NBEA: variants seen among roughly 807,000 people sequenced by gnomAD.
NBEA encodes the protein lysosomal-trafficking regulator 2.
NBEA carries 44 observed loss-of-function variants against 343.4 expected under a neutral mutation model. The observed-to-expected ratio is 0.13, with a 90% CI of 0.10 to 0.16. The LOEUF (loss-of-function observed/expected upper bound fraction) is 0.16. Among genes scored for constraint, NBEA ranks in the 10% least tolerant of loss-of-function variants. NBEA has a pLI of 1.00. For synonymous variants in NBEA, 1,175 were observed against 1,238.7 expected (o/e 0.95, Z 1.08); for missense variants, 2,555 against 3,631.3 (o/e 0.70, Z 7.62).
At chr13:35,384,292 C>G (rs938286655) in intron 38 of NBEA, among the ~76,000 whole-genome samples, 12 of 152,116 alleles carry the variant, frequency 7.9e-5, no homozygotes, top group Admixed American at 7.9e-4. Context: ...TGGATTCTCT[C>G]TACCTTTAGT....
At chr13:35,565,230 T>G (rs564697543) in intron 44 of NBEA, among the ~76,000 whole-genome samples, 3 of 152,320 alleles carry the variant, frequency 2.0e-5, no homozygotes, top group Non-Finnish European at 4.4e-5. Flanking sequence ...GTTTATACAT[T>G]TAAAGCAATA....
At chr13:35,002,221 G>A (rs1199023832) in intron 1 of NBEA, among the ~76,000 whole-genome samples, 1 of 152,140 alleles carries the variant, frequency 6.6e-6, no homozygotes, top group Non-Finnish European at 1.5e-5. Flanking sequence ...GTGGGTACAA[G>A]GAGACTGTGG....
chr13:35,254,802 T>C (rs2032399299), intron 34 of NBEA, among the ~76,000 whole-genome samples: 2 of 152,262 alleles, frequency 1.3e-5, no homozygotes, highest in South Asian at 4.1e-4. Flanking sequence ...ACAGCAAATA[T>C]ACCTCATTGT....
intron 1 of NBEA, among the ~76,000 whole-genome samples, chr13:34,978,230 T>C (rs1300525358): frequency 6.6e-6 from 1 of 152,220 alleles, no homozygotes; most frequent in Non-Finnish European, 1.5e-5. Context: ...GCTATAATTA[T>C]TAATGGCAAG....
At chr13:35,461,096 C>G (rs1334939930) in intron 40 of NBEA, among the ~76,000 whole-genome samples, 2 of 152,176 alleles carry the variant, frequency 1.3e-5, no homozygotes, top group Non-Finnish European at 2.9e-5. Context: ...CCTAATGACC[C>G]AGTCACCTCT....
chr13:35,666,948 G>C (rs2085383995), intron 56 of NBEA, among the ~76,000 whole-genome samples: 1 of 152,202 alleles, frequency 6.6e-6, no homozygotes. Context: ...GCAGTGTATT[G>C]ATGTGGTACA....
At chr13:35,015,148 A>AAAAAAAAAAAC (rs2061611929) in intron 1 of NBEA, among the ~76,000 whole-genome samples, 1 of 149,248 alleles carries the variant, frequency 6.7e-6, no homozygotes, top group African/African-American at 2.5e-5. Flanking sequence ...AACAAACAAA[A>AAAAAAAAAAAC]AAAAAAAACC....
intron 38 of NBEA, among the ~76,000 whole-genome samples, chr13:35,359,322 G>T (rs902705274): frequency 2.0e-5 from 3 of 151,978 alleles, no homozygotes; most frequent in Non-Finnish European, 4.4e-5. Flanking sequence ...GTTGTTATCT[G>T]TATTGAAATT....
At chr13:35,641,528 T>C (rs2083947952) in intron 49 of NBEA, among the ~76,000 whole-genome samples, 2 of 151,986 alleles carry the variant, frequency 1.3e-5, no homozygotes, top group Non-Finnish European at 2.9e-5. Flanking sequence ...TACAACAAGG[T>C]TGAATCTTGC....
At chr13:35,581,959 A>G (rs955018213) in intron 45 of NBEA, among the ~76,000 whole-genome samples, 5 of 152,156 alleles carry the variant, frequency 3.3e-5, no homozygotes, top group Middle Eastern at 6.8e-3. Context: ...CATCTAGTAA[A>G]GTATAAAATA....
Position 35,532,344 on chromosome 13 carries a change from A to C in NBEA, c.6586-18133A>C, listed in dbSNP as rs117558780. On this transcript the variant is annotated intron_variant, in intron 41 of 58. Coordinates refer to ENST00000379939, the MANE Select transcript of NBEA (RefSeq NM_001385012.1). ...CTGAATACAGATACATCAATCCTTA[A>C]TAGAGAAACCATTAACCCTTTATTT... Among the ~76,000 whole-genome samples the C allele has an allele frequency of 1.1e-3, 173 of 152,292 alleles. No individual in the cohort carries two copies. The East Asian group carries it at 0.03, about 26-fold the overall frequency.
chr13:35,006,867 C>G (rs576100349), intron 1 of NBEA, among the ~76,000 whole-genome samples: 34 of 152,308 alleles, frequency 2.2e-4, no homozygotes, highest in Middle Eastern at 3.4e-3. Context: ...ATTCTCCTGC[C>G]TCAGCCTCTC....
intron 10 of NBEA, among the ~76,000 whole-genome samples, chr13:35,077,936 C>T (rs2152593865): frequency 6.6e-6 from 1 of 152,268 alleles, no homozygotes; most frequent in Middle Eastern, 3.4e-3. Context: ...ATAGGGACGG[C>T]CTCAGCAACA....
chr13:35,541,876 G>A (rs903278248), intron 41 of NBEA, among the ~76,000 whole-genome samples: 9 of 151,972 alleles, frequency 5.9e-5, no homozygotes, highest in Admixed American at 4.6e-4. Context: ...TTTTTGAAAA[G>A]AGCTATTAAT....
At chr13:35,122,944 C>G (rs557604537) in intron 16 of NBEA, among the ~76,000 whole-genome samples, 2 of 152,214 alleles carry the variant, frequency 1.3e-5, no homozygotes, top group Admixed American at 1.3e-4. Context: ...TCCAAATTCT[C>G]AAAAAGGAGA....
chr13:35,481,304 A>T (rs954441145), intron 41 of NBEA, among the ~76,000 whole-genome samples: 9 of 151,924 alleles, frequency 5.9e-5, no homozygotes, highest in African/African-American at 2.2e-4. Context: ...TGATTTGCAG[A>T]CTTGAAGTAA....
intron 41 of NBEA, among the ~76,000 whole-genome samples, chr13:35,549,029 C>T (rs1156880301): frequency 6.6e-6 from 1 of 152,018 alleles, no homozygotes; most frequent in Non-Finnish European, 1.5e-5. Flanking sequence ...TGACAAAAAC[C>T]AGATGGAGTT....
chr13:35,090,645 T>C (rs2152626953), intron 10 of NBEA, among the ~76,000 whole-genome samples: 1 of 152,004 alleles, frequency 6.6e-6, no homozygotes. Context: ...AATTAGTATG[T>C]TGAGATCAAG....
chr13:35,438,672 A>G (rs867083370), intron 39 of NBEA, among the ~76,000 whole-genome samples: 2 of 152,210 alleles, frequency 1.3e-5, no homozygotes, highest in South Asian at 2.1e-4. Flanking sequence ...TAATTTATTG[A>G]AAGTTAATGA....
Sources: allele counts gnomAD v4.1 joint callset (sites outside exome capture counted in the v4.1 genomes callset), GRCh38; gene constraint gnomAD v4.1.1; transcripts MANE v1.5; gene names NCBI Gene and HGNC (gene_info 2026-07-23, HGNC 2026-07-21).